C1QTNF3: variants seen among roughly 807,000 people sequenced by gnomAD.
C1QTNF3 encodes the protein complement C1q tumor necrosis factor-related protein 3.
C1QTNF3 carries 26 observed loss-of-function variants against 32.6 expected under a neutral mutation model. That is an observed-to-expected ratio of 0.80 (90% CI 0.58 to 1.11). The LOEUF is 1.11. Ranked by LOEUF, C1QTNF3 falls within the 50% of genes least tolerant of loss-of-function variation. The pLI is 0.00. For missense variants in C1QTNF3, 362 were observed against 398.2 expected, an observed-to-expected ratio of 0.91 and a Z score of 0.77; for synonymous variants, 155 against 146.0, an observed-to-expected ratio of 1.06 and a Z score of -0.44.
the C1QTNF3 span, among the ~76,000 whole-genome samples, chr5:34,206,560 CA>C: frequency 5.1e-5 from 7 of 136,258 alleles, no homozygotes; most frequent in Non-Finnish European, 1.1e-4. Context: ...CTGGTCTCGG[CA>C]TGCAACAAAA....
the C1QTNF3 span, among the ~76,000 whole-genome samples, chr5:34,163,593 ATGT>A: frequency 3.3e-5 from 5 of 152,116 alleles, no homozygotes. Context: ...AGCAACATAT[ATGT>A]TGTTGATTAT....
At chr5:34,145,400 T>C in the C1QTNF3 span, among the ~76,000 whole-genome samples, 1 of 152,026 alleles carries the variant, frequency 6.6e-6, no homozygotes, top group African/African-American at 2.4e-5. Flanking sequence ...ACAATAGATA[T>C]ATTCCTGGAA....
chr5:34,159,256 A>G, the C1QTNF3 span, among the ~76,000 whole-genome samples: 22 of 152,234 alleles, frequency 1.4e-4, no homozygotes, highest in African/African-American at 5.1e-4. Flanking sequence ...TAAAAAACAT[A>G]CAATAATAGC....
the C1QTNF3 span, among the ~76,000 whole-genome samples, chr5:34,054,824 T>C: frequency 6.6e-6 from 1 of 152,242 alleles, no homozygotes; most frequent in Admixed American, 6.5e-5. Context: ...TCCATGTTTT[T>C]TATCATCTCC....
At chr5:34,052,667 C>T in the C1QTNF3 span, among the ~76,000 whole-genome samples, 1 of 152,170 alleles carries the variant, frequency 6.6e-6, no homozygotes, top group African/African-American at 2.4e-5. Context: ...AGAGACATTG[C>T]TGCAGCAAAA....
chr5:34,091,438 C>G, the C1QTNF3 span, among the ~76,000 whole-genome samples: 1 of 152,226 alleles, frequency 6.6e-6, no homozygotes, highest in Non-Finnish European at 1.5e-5. Flanking sequence ...TCTTCTTCCT[C>G]TCCTTCTTTC....
chr5:34,083,996 A>G, the C1QTNF3 span, among the ~76,000 whole-genome samples: 1 of 151,862 alleles, frequency 6.6e-6, no homozygotes, highest in South Asian at 2.1e-4. Flanking sequence ...GTATTGCCAT[A>G]ATTATCTAGC....
the C1QTNF3 span, among the ~76,000 whole-genome samples, chr5:34,223,905 T>A: frequency 1.3e-5 from 2 of 151,992 alleles, no homozygotes; most frequent in African/African-American, 4.8e-5. Context: ...GAAAACCCCA[T>A]TGTCTCAGCC....
At chr5:34,178,105 A>G in the C1QTNF3 span, among the ~76,000 whole-genome samples, 3 of 19,804 alleles carry the variant, frequency 1.5e-4, no homozygotes, top group Non-Finnish European at 3.6e-4. Flanking sequence ...CATCTCTACT[A>G]AAAAAAAAAA....
the C1QTNF3 span, among the ~76,000 whole-genome samples, chr5:34,227,590 C>A: frequency 6.6e-6 from 1 of 151,802 alleles, no homozygotes; most frequent in African/African-American, 2.4e-5. Flanking sequence ...AGGAAAAAAT[C>A]TACATATGAG....
the C1QTNF3 span, among the ~76,000 whole-genome samples, chr5:34,234,071 T>C: frequency 6.6e-6 from 1 of 152,178 alleles, no homozygotes; most frequent in African/African-American, 2.4e-5. Flanking sequence ...TATCATAGTA[T>C]CAAGTTCATA....
chr5:34,121,570 C>G, the C1QTNF3 span, among the ~76,000 whole-genome samples: 1 of 152,152 alleles, frequency 6.6e-6, no homozygotes, highest in Non-Finnish European at 1.5e-5. Context: ...AATGATCTCC[C>G]ACCAGCTCCC....
chr5:34,134,155 G>A, the C1QTNF3 span, among the ~76,000 whole-genome samples: 1 of 151,930 alleles, frequency 6.6e-6, no homozygotes, highest in Non-Finnish European at 1.5e-5. Context: ...CTAATTCTGA[G>A]GTATGCTCAT....
In C1QTNF3 at chr5:34,020,734, AT is replaced by A. The variant is rs768344921; in HGVS notation, c.808del (p.Met270Ter). On this transcript the variant is annotated frameshift_variant, in exon 6 of 6. Transcript: ENST00000382065. LOFTEE classifies it high-confidence loss of function. ...NTVFSMYSYE[M>X]KGKSDTSSNH... is the part of the protein sequence containing the mutation. ...GCTGGATGTATCTGATTTGCCCTTC[AT>A]TTCATAGCTGGAAAGAAAAAGAGGA... 1 of 1,610,924 alleles carries A rather than the reference AT, an allele frequency of 6.2e-7. No homozygotes were observed. The highest frequency in any genetic ancestry group is 1.7e-5 in the Admixed American group (1 of 59,638).
the C1QTNF3 span, among the ~76,000 whole-genome samples, chr5:34,140,891 G>A: frequency 0.53 from 80,172 of 151,684 alleles, 22,478 homozygotes; most frequent in Non-Finnish European, 0.62. Flanking sequence ...TCAATATGTT[G>A]CTTGGGTCAT....
chr5:34,238,491 TA>T, the C1QTNF3 span, among the ~76,000 whole-genome samples: 2 of 151,908 alleles, frequency 1.3e-5, no homozygotes, highest in Non-Finnish European at 2.9e-5. Context: ...TATAATACAA[TA>T]AGAAATATTA....
At chr5:34,026,092 T>A (rs183625439) in intron 4 of C1QTNF3, among the ~76,000 whole-genome samples, 36 of 152,058 alleles carry the variant, frequency 2.4e-4, no homozygotes, top group Non-Finnish European at 4.1e-4. Context: ...GAGAAATGAG[T>A]AGAATTGAAA....
the C1QTNF3 span, among the ~76,000 whole-genome samples, chr5:34,155,396 G>A: frequency 6.6e-6 from 1 of 152,184 alleles, no homozygotes; most frequent in African/African-American, 2.4e-5. Flanking sequence ...AGTACCTTTT[G>A]ACCTTCATAT....
chr5:34,089,500 A>G, the C1QTNF3 span, among the ~76,000 whole-genome samples: 1 of 152,214 alleles, frequency 6.6e-6, no homozygotes, highest in Non-Finnish European at 1.5e-5. Context: ...GGTTGTGAAG[A>G]CACAGCTAGA....
Sources: gnomAD v4.1 joint callset for allele counts (sites outside exome capture counted in the v4.1 genomes callset) on GRCh38, gnomAD v4.1.1 for gene constraint, MANE v1.5 for transcripts, NCBI Gene and HGNC (gene_info 2026-07-23, HGNC 2026-07-21) for gene names.